Variants in HTN3 observed in about 807,000 individuals in gnomAD.
HTN3 encodes histatin-3.
A neutral mutation model predicts 10.6 loss-of-function variants in HTN3; 15 were observed. The observed-to-expected ratio is 1.42, with a 90% CI of 0.95 to 2.18. HTN3 has a LOEUF of 2.18. HTN3 is among the 30% of genes most tolerant of loss of function. The pLI is 0.00. For missense variants in HTN3, 68 were observed against 58.0 expected, an observed-to-expected ratio of 1.17 and a Z score of -0.56; for synonymous variants, 15 against 16.9, an observed-to-expected ratio of 0.89 and a Z score of 0.27.
intron 4 of HTN3, 151 bp downstream of exon 4, chr4:70,032,258 A>G: frequency 1.6e-6 from 1 of 636,882 alleles, no homozygotes; most frequent in South Asian, 2.0e-5. Context: ...TTACAGAGGT[A>G]AAAGGTCACA....
intron 5 of HTN3, among the ~76,000 whole-genome samples, chr4:70,035,363 T>C (rs190583871): frequency 6.6e-6 from 1 of 152,318 alleles, no homozygotes; most frequent in Non-Finnish European, 1.5e-5. Context: ...ATACTTAAGC[T>C]CTTTATAGAA....
chr4:70,029,272 C>A (rs919800888), intron 1 of HTN3, among the ~76,000 whole-genome samples: 3 of 151,780 alleles, frequency 2.0e-5, no homozygotes, highest in African/African-American at 7.2e-5. Flanking sequence ...GTAAAATTGT[C>A]TTTTTATATC....
chr4:70,029,139 CTATT>C (rs2109705575), intron 1 of HTN3, among the ~76,000 whole-genome samples: 1 of 152,052 alleles, frequency 6.6e-6, no homozygotes, highest in Admixed American at 6.5e-5. Context: ...TTTTTCAAAA[CTATT>C]AATTATACAT....
chr4:70,033,377 G>A, intron 5 of HTN3, 124 bp downstream of exon 5: 1 of 564,244 alleles, frequency 1.8e-6, no homozygotes. Context: ...GCGTGGGTTA[G>A]CTCTTTGAAG....
At chr4:70,032,784 T>C (rs1725417059) in intron 4 of HTN3, among the ~76,000 whole-genome samples, 1 of 151,970 alleles carries the variant, frequency 6.6e-6, no homozygotes, top group Non-Finnish European at 1.5e-5. Context: ...AAGAATAAGA[T>C]GAAGAAACAC....
At chr4:70,031,857 T>C in intron 2 of HTN3, 122 bp from the exon 3 acceptor site, 1 of 688,674 alleles carries the variant, frequency 1.5e-6, no homozygotes, top group Non-Finnish European at 2.5e-6. Flanking sequence ...ATTTAGCATG[T>C]CATCATCCAA....
At chr4:70,030,885 C>G in intron 2 of HTN3, 94 bp downstream of exon 2, 1 of 912,066 alleles carries the variant, frequency 1.1e-6, no homozygotes, top group Non-Finnish European at 1.8e-6. Context: ...TTCATGTTCA[C>G]CTCAATACAG....
intron 2 of HTN3, 59 bp downstream of exon 2, chr4:70,030,850 C>T (rs1725368834): frequency 7.8e-7 from 1 of 1,278,376 alleles, no homozygotes; most frequent in Non-Finnish European, 1.1e-6. Context: ...AAGGATCTTT[C>T]TTATTCCTTA....
At chr4:70,030,829 GT>G in intron 2 of HTN3, 38 bp downstream of exon 2, 14 of 1,452,862 alleles carry the variant, frequency 9.6e-6, no homozygotes, top group Non-Finnish European at 1.3e-5. Context: ...TACATTCTCA[GT>G]ACTTATCCCA....
chr4:70,030,352 C>G lies in HTN3; in HGVS notation c.-13-376C>G, dbSNP rs376485320. On this transcript the variant is annotated intron_variant, in intron 1 of 5. Coordinates refer to ENST00000673563, the MANE Select transcript of HTN3 (RefSeq NM_000200.3). ...TTATTTATCAATTAATGAAGCTATG[C>G]CCTGGGCTCACACCGAAGATCCAAG... 1.3e-4 allele frequency among the ~76,000 whole-genome samples: 20 copies of G among 152,176 alleles called. No individual in the cohort carries two copies. In the East Asian group the frequency reaches 3.1e-3, roughly 23 times the overall value.
At chr4:70,032,947 T>C (rs1393162209) in intron 4 of HTN3, among the ~76,000 whole-genome samples, 1 of 152,138 alleles carries the variant, frequency 6.6e-6, no homozygotes, top group Admixed American at 6.6e-5. Context: ...GCCACAAAAA[T>C]ATCAACACAC....
chr4:70,034,857 A>G (rs1483548553), intron 5 of HTN3, among the ~76,000 whole-genome samples: 1 of 152,232 alleles, frequency 6.6e-6, no homozygotes, highest in South Asian at 2.1e-4. Context: ...ACCATGGAAC[A>G]CTATGCGGTC....
chr4:70,035,681 T>C (rs1397091624), intron 5 of HTN3, among the ~76,000 whole-genome samples: 1 of 152,236 alleles, frequency 6.6e-6, no homozygotes, highest in East Asian at 1.9e-4. Flanking sequence ...TCATTTTTAC[T>C]TATCTATATT....
At chr4:70,035,604 A>T (rs767103781) in intron 5 of HTN3, among the ~76,000 whole-genome samples, 1 of 152,192 alleles carries the variant, frequency 6.6e-6, no homozygotes, top group Non-Finnish European at 1.5e-5. Context: ...ATGACTAATA[A>T]AATATCAACA....
intron 5 of HTN3, among the ~76,000 whole-genome samples, chr4:70,034,715 A>G (rs554707599): frequency 6.6e-6 from 1 of 152,332 alleles, no homozygotes; most frequent in East Asian, 1.9e-4. Context: ...ACCCAAAAGA[A>G]TATAAAGCAT....
rs193243690 is a variant in HTN3, at chr4:70,034,633, A to G, written c.*33+1380A>G. 1.6e-3 allele frequency among the ~76,000 whole-genome samples: 243 copies of G among 152,290 alleles called. 1 individual carries two copies. The highest frequency in any genetic ancestry group is 5.7e-3 in the African/African-American group (238 of 41,574). ...ATGCACATTAGTTCAACCATTGTGG[A>G]AAACTATGGATTCCTCAAGGATCTA... On this transcript the variant is annotated intron_variant, in intron 5 of 5. Coordinates refer to ENST00000673563, the MANE Select transcript of HTN3 (RefSeq NM_000200.3).
chr4:70,036,205 A>G (rs1725512949), intron 5 of HTN3, 62 bp from the exon 6 acceptor site: 2 of 152,246 alleles, frequency 1.3e-5, no homozygotes. Flanking sequence ...CAGGAAAAGT[A>G]TAAATTTATT....
At chr4:70,034,974 A>T (rs1004164308) in intron 5 of HTN3, among the ~76,000 whole-genome samples, 2 of 152,156 alleles carry the variant, frequency 1.3e-5, no homozygotes, top group South Asian at 2.1e-4. Context: ...CACATGCTTC[A>T]CTCATAAGTG....
rs200233549 is a variant in HTN3, at chr4:70,033,233, T to A, written c.*13T>A. The A allele has an allele frequency of 1.7e-5, 27 of 1,542,854 alleles. No individual in the cohort carries two copies. The African/African-American group carries it at 3.4e-4, about 20-fold the overall frequency. The stretch of plus-strand genomic sequence containing the variant: ...GTATGACAATTGATATCTTCAGTAA[T>A]CACGGGGCATGATTATGGAGGTAAG... On this transcript the variant is annotated 3_prime_UTR_variant, in exon 5 of 6. Coordinates refer to ENST00000673563, the MANE Select transcript of HTN3 (RefSeq NM_000200.3).
Sources: gnomAD v4.1 joint callset for allele counts (sites outside exome capture counted in the v4.1 genomes callset) on GRCh38, gnomAD v4.1.1 for gene constraint, MANE v1.5 for transcripts, NCBI Gene and HGNC (gene_info 2026-07-23, HGNC 2026-07-21) for gene names.